AKNA: variants seen among roughly 807,000 people sequenced by gnomAD.
AKNA encodes the protein AT-hook transcription factor.
A neutral mutation model predicts 138.8 loss-of-function variants in AKNA; 67 were observed. The observed-to-expected ratio is 0.48, with a 90% CI of 0.40 to 0.59. The LOEUF (loss-of-function observed/expected upper bound fraction) is 0.59, where lower values mean the gene tolerates loss of function less well. Ranked by LOEUF, AKNA falls within the 20% of genes least tolerant of loss-of-function variation. The probability of loss-of-function intolerance (pLI) is 0.00; values close to 1 mark genes in which losing one functional copy is unlikely to be tolerated. For missense variants in AKNA, 1,813 were observed against 1,880.4 expected, an observed-to-expected ratio of 0.96 and a Z score of 0.66; for synonymous variants, 737 against 754.4, an observed-to-expected ratio of 0.98 and a Z score of 0.38.
intron 14 of AKNA, among the ~76,000 whole-genome samples, chr9:114,354,144 AT>A (rs1564627640): frequency 6.6e-6 from 1 of 152,188 alleles, no homozygotes; most frequent in East Asian, 1.9e-4. Flanking sequence ...AAAGTAAAAA[AT>A]ATTTTCTTTC....
chr9:114,342,483 G>A (rs1245665406), intron 19 of AKNA, among the ~76,000 whole-genome samples: 8 of 152,142 alleles, frequency 5.3e-5, no homozygotes, highest in Admixed American at 6.5e-5. Context: ...TCCTAAGCCC[G>A]GGCTCTCCCA....
At chr9:114,343,896 A>C in intron 18 of AKNA, 93 bp from the exon 19 acceptor site, 1 of 1,158,814 alleles carries the variant, frequency 8.6e-7, no homozygotes, top group Non-Finnish European at 1.2e-6. Context: ...CTTCCTCCAA[A>C]TGGTTTTAAT....
At chr9:114,398,318 A>C (rs1479496430), upstream of AKNA, 1 of 152,078 alleles carries the variant, frequency 6.6e-6, no homozygotes, top group African/African-American at 2.4e-5. The surrounding 1 kb of genome is among the most constrained non-coding windows in gnomAD (Gnocchi z 4.2). Context: ...GCGCCGTCCC[A>C]GTGGAACGGA....
rs558347748 is a variant in AKNA at position 114,372,964 on chromosome 9, C to CGGGG, written c.1416+1125_1416+1128dup. ...CCAGGCAGCAGGTGTGGGGACGCAG[C>CGGGG]GGGGGGGGGGGGGGTCCTGGTCCTA... On this transcript the variant is annotated intron_variant, in intron 4 of 21. Coordinates refer to ENST00000374088, the MANE Select transcript of AKNA (RefSeq NM_001317950.2). Among the ~76,000 whole-genome samples the CGGGG allele has an allele frequency of 1.2e-3, 31 of 26,144 alleles. No homozygotes were observed. The South Asian group carries it at 0.015, about 13-fold the overall frequency. 17.2% of individuals were successfully genotyped at this position (26,144 alleles called of 152,430 possible). A position where few individuals can be genotyped will look rare whatever the true frequency, so the allele number is the denominator to read the frequency against.
At chr9:114,360,516 C>T (rs1285871594) in intron 9 of AKNA, among the ~76,000 whole-genome samples, 3 of 152,160 alleles carry the variant, frequency 2.0e-5, no homozygotes, top group African/African-American at 7.2e-5. Context: ...ATGAGGGTCC[C>T]TTAAGATATT....
chr9:114,347,373 C>A (rs1191196212), intron 16 of AKNA, among the ~76,000 whole-genome samples: 1 of 152,114 alleles, frequency 6.6e-6, no homozygotes, highest in African/African-American at 2.4e-5. Context: ...GCGCACACCA[C>A]CACGCCCAGC....
At chr9:114,357,035 AAATC>A in intron 12 of AKNA, 66 bp from the exon 13 acceptor site, 2 of 1,456,866 alleles carry the variant, frequency 1.4e-6, no homozygotes, top group Non-Finnish European at 9.2e-7. Flanking sequence ...AGCCCTTCCC[AAATC>A]GTGGCCTGGC....
chr9:114,345,725 G>T, intron 18 of AKNA, 138 bp downstream of exon 18: 1 of 693,792 alleles, frequency 1.4e-6, no homozygotes, highest in Non-Finnish European at 2.3e-6. Context: ...AATGCTCCCT[G>T]CTGGTTTTCA....
At position 114,367,466 on chromosome 9, in the gene AKNA, C is replaced by G. The variant is rs1039941591; in HGVS notation, c.1728+77G>C. The G allele has an allele frequency of 3.2e-6, 5 of 1,545,356 alleles. No individual in the cohort carries two copies. In the African/African-American group the frequency reaches 6.9e-5, roughly 21 times the overall value. On this transcript the variant is annotated intron_variant, in intron 6 of 21. Transcript: ENST00000374088. ...GACAAGTGAGACTCCCAGAGTGCCT[C>G]TCACCCAAGCAGGCAGAGGTTCTGT...
intron 20 of AKNA, 40 bp from the exon 21 acceptor site, chr9:114,341,765 C>G: frequency 6.5e-7 from 1 of 1,528,302 alleles, no homozygotes; most frequent in East Asian, 2.3e-5. Flanking sequence ...AGAGTCTGAC[C>G]ACTTGGCAGA....
At chr9:114,395,397 T>C (rs966969306), upstream of AKNA, among the ~76,000 whole-genome samples, 1 of 152,040 alleles carries the variant, frequency 6.6e-6, no homozygotes. Flanking sequence ...TGACAAATCT[T>C]AGGGCACCAT....
chr9:114,348,884 T>C (rs914164843), intron 15 of AKNA: 1 of 456,342 alleles, frequency 2.2e-6, no homozygotes, highest in Non-Finnish European at 4.4e-6. Context: ...GGGCCGTTCT[T>C]GCCTGGTGGC....
At chr9:114,342,210 G>C in intron 19 of AKNA, 85 bp from the exon 20 acceptor site, 1 of 1,027,144 alleles carries the variant, frequency 9.7e-7, no homozygotes, top group Non-Finnish European at 1.4e-6. Context: ...CTGCAGCACT[G>C]AGCTCTCCTC....
At chr9:114,330,752 T>G (rs1319782546), downstream of AKNA, 1 of 1,608,030 alleles carries the variant, frequency 6.2e-7, no homozygotes, top group Non-Finnish European at 8.5e-7. Context: ...TTCTCCTCGA[T>G]AACATTACTG....
intron 4 of AKNA, among the ~76,000 whole-genome samples, chr9:114,369,506 A>G (rs1300013081): frequency 2.6e-5 from 4 of 152,186 alleles, no homozygotes; most frequent in African/African-American, 9.7e-5. Context: ...CTGCAGCTAG[A>G]GCCCAGGTTC....
At chr9:114,339,951 T>A (rs747570078) in intron 21 of AKNA, among the ~76,000 whole-genome samples, 1 of 152,072 alleles carries the variant, frequency 6.6e-6, no homozygotes, top group South Asian at 2.1e-4. Flanking sequence ...CCAAAAAAAT[T>A]AGCCGGGTGT....
chr9:114,337,012 T>TTGGGGGGGGGGGGGGGGCG lies in AKNA; in HGVS notation c.*41_*42insCGCCCCCCCCCCCCCCCCA. The stretch of plus-strand genomic sequence containing the variant: ...CCCACTCCTGGCCTGGCAGGCCACC[T>TTGGGGGGGGGGGGGGGGCG]GCCCACCCACCCACCCATCTGCCTC... On this transcript the variant is annotated 3_prime_UTR_variant, in exon 22 of 22. Coordinates refer to ENST00000374088, the MANE Select transcript of AKNA (RefSeq NM_001317950.2). 1 of 1,208,224 alleles carries TTGGGGGGGGGGGGGGGGCG rather than the reference T, an allele frequency of 8.3e-7. No individual in the cohort carries two copies. The highest frequency in any genetic ancestry group is 1.1e-6 in the Non-Finnish European group (1 of 929,350). 74.8% of individuals were successfully genotyped at this position (1,208,224 alleles called of 1,614,324 possible).
intron 1 of AKNA, among the ~76,000 whole-genome samples, chr9:114,382,261 A>G (rs1833738768): frequency 6.6e-6 from 1 of 152,156 alleles, no homozygotes; most frequent in African/African-American, 2.4e-5. Context: ...TCACTGGGGT[A>G]AGAATTCAGA....
intron 12 of AKNA, 81 bp downstream of exon 12, chr9:114,357,840 G>A: frequency 6.4e-7 from 1 of 1,565,604 alleles, no homozygotes; most frequent in East Asian, 2.3e-5. Flanking sequence ...ATAGCACAAG[G>A]AAAGACCCAG....
Sources: allele counts gnomAD v4.1 joint callset (sites outside exome capture counted in the v4.1 genomes callset), GRCh38; gene constraint gnomAD v4.1.1; non-coding constraint Gnocchi (gnomAD v3.1); transcripts MANE v1.5; gene names NCBI Gene and HGNC (gene_info 2026-07-23, HGNC 2026-07-21).